TRAPPC9: variants seen among roughly 807,000 people sequenced by gnomAD.
TRAPPC9 encodes trafficking protein particle complex subunit 9.
TRAPPC9 carries 83 observed loss-of-function variants against 124.0 expected under a neutral mutation model. That is an observed-to-expected ratio of 0.67 (90% confidence interval 0.56 to 0.80). The LOEUF (loss-of-function observed/expected upper bound fraction) is 0.80. Among genes scored for constraint, TRAPPC9 ranks in the 30% least tolerant of loss-of-function variants. The pLI is 0.00. For missense variants in TRAPPC9, 1,302 were observed against 1,508.3 expected (o/e 0.86, Z 2.27); for synonymous variants, 638 against 617.5 (o/e 1.03, Z -0.49).
chr8:139,853,386 C>T (rs921795974), intron 21 of TRAPPC9, among the ~76,000 whole-genome samples: 10 of 152,180 alleles, frequency 6.6e-5, no homozygotes, highest in East Asian at 3.9e-4. Context: ...TGTATCCCCG[C>T]GCCCATGGTA....
rs535937276 is a variant in TRAPPC9, at chr8:139,990,883, G to A, written c.2700-2047C>T. Among the ~76,000 whole-genome samples the A allele has an allele frequency of 5.9e-5, 9 of 152,124 alleles. No homozygotes were observed. The East Asian group carries it at 1.4e-3, about 23-fold the overall frequency. Reference sequence around the variant, plus strand: ...ATTACAGGGGTGAGCCACGGCACCCGGCCACATGTCACCATTTATATCATG... The same window carrying A: ...ATTACAGGGGTGAGCCACGGCACCCAGCCACATGTCACCATTTATATCATG... On this transcript the variant is annotated intron_variant, in intron 18 of 22. Coordinates refer to ENST00000438773, the MANE Select transcript of TRAPPC9 (RefSeq NM_001160372.4).
chr8:140,246,556 C>G (rs2063991866), intron 16 of TRAPPC9, among the ~76,000 whole-genome samples: 1 of 152,158 alleles, frequency 6.6e-6, no homozygotes, highest in South Asian at 2.1e-4. Context: ...AACCCTAGTT[C>G]AAAACTAGAT....
chr8:139,898,260 A>G (rs915046462), intron 20 of TRAPPC9, among the ~76,000 whole-genome samples: 1 of 152,224 alleles, frequency 6.6e-6, no homozygotes, highest in Non-Finnish European at 1.5e-5. Context: ...CTTCCACGGT[A>G]GCGCCAGCCA....
chr8:140,051,576 C>CTT (rs1197128988), intron 17 of TRAPPC9, among the ~76,000 whole-genome samples: 3,632 of 87,930 alleles, frequency 0.041, 301 homozygotes, highest in African/African-American at 0.15. Context: ...ATTGTTCATT[C>CTT]TTTTTTTTTT....
Position 140,356,755 on chromosome 8 carries a change from G to A in TRAPPC9, c.1495+3295C>T, listed in dbSNP as rs73372876. 5.7e-3 allele frequency among the ~76,000 whole-genome samples: 872 copies of A among 151,974 alleles called. 11 individuals carry two copies. Among genetic ancestry groups the A allele is most frequent in the African/African-American group, 0.018 (757 of 41,416 alleles). On this transcript the variant is annotated intron_variant, in intron 9 of 22. Transcript: ENST00000438773. ...CTCCCAAGTAGCTGGGATTACAGGC[G>A]TGCACCACCTCGCCCGGTTAATCTT...
intron 1 of TRAPPC9, among the ~76,000 whole-genome samples, chr8:140,455,369 G>A (rs1255731048): frequency 6.6e-6 from 1 of 151,958 alleles, no homozygotes; most frequent in Admixed American, 6.6e-5. Context: ...ATGATCTCAG[G>A]TGATCCACCC....
At chr8:139,843,300 G>C (rs1282430631) in intron 21 of TRAPPC9, among the ~76,000 whole-genome samples, 72 of 152,342 alleles carry the variant, frequency 4.7e-4, no homozygotes. Flanking sequence ...GAGGGCGGCA[G>C]GGCTGAGACT....
chr8:139,809,600 G>A (rs1824297957), intron 21 of TRAPPC9, among the ~76,000 whole-genome samples: 1 of 152,150 alleles, frequency 6.6e-6, no homozygotes, highest in African/African-American at 2.4e-5. Context: ...TTTGCCTGCT[G>A]GCATCTGGGG....
At chr8:139,850,340 A>G (rs538796475) in intron 21 of TRAPPC9, among the ~76,000 whole-genome samples, 32 of 152,330 alleles carry the variant, frequency 2.1e-4, no homozygotes, top group Admixed American at 5.2e-4. Flanking sequence ...AGCCAACACT[A>G]GAACCCAGGG....
At chr8:139,823,648 A>G (rs1248269345) in intron 21 of TRAPPC9, among the ~76,000 whole-genome samples, 1 of 152,148 alleles carries the variant, frequency 6.6e-6, no homozygotes, top group Non-Finnish European at 1.5e-5. Context: ...CCAGGTGGAA[A>G]CAGAGACCTA....
At chr8:139,758,712 G>C (rs1378642617) in intron 21 of TRAPPC9, among the ~76,000 whole-genome samples, 1 of 152,218 alleles carries the variant, frequency 6.6e-6, no homozygotes, top group African/African-American at 2.4e-5. Context: ...AAGGCGGTTG[G>C]GGCAGGCTGA....
At chr8:140,183,159 T>C (rs1357872659) in intron 17 of TRAPPC9, among the ~76,000 whole-genome samples, 1 of 152,202 alleles carries the variant, frequency 6.6e-6, no homozygotes, top group African/African-American at 2.4e-5. Flanking sequence ...AAACATTTGC[T>C]GAGTCTACTA....
intron 19 of TRAPPC9, among the ~76,000 whole-genome samples, chr8:139,928,568 C>T (rs1186382613): frequency 6.6e-6 from 1 of 151,824 alleles, no homozygotes; most frequent in East Asian, 1.9e-4. Context: ...GTTCCTTGAC[C>T]TCAAGGCCTT....
At chr8:140,193,224 T>C (rs1404917265) in intron 17 of TRAPPC9, among the ~76,000 whole-genome samples, 2 of 152,238 alleles carry the variant, frequency 1.3e-5, no homozygotes, top group Admixed American at 6.5e-5. Flanking sequence ...CAATCTAAAA[T>C]GTGAAAATGT....
intron 19 of TRAPPC9, among the ~76,000 whole-genome samples, chr8:139,980,804 G>C (rs1836842108): frequency 6.6e-6 from 1 of 152,220 alleles, no homozygotes; most frequent in African/African-American, 2.4e-5. Flanking sequence ...TCTGCAGACA[G>C]GGTGGGCGTG....
At chr8:139,863,000 G>C (rs1294507001) in intron 21 of TRAPPC9, among the ~76,000 whole-genome samples, 2 of 152,250 alleles carry the variant, frequency 1.3e-5, no homozygotes, top group Admixed American at 1.3e-4. Flanking sequence ...CTGCCAGGAA[G>C]CTCCAGCACC....
rs189128990 is a variant in TRAPPC9 at position 140,191,302 on chromosome 8, G to T, written c.2556+30157C>A. Among the ~76,000 whole-genome samples the T allele has an allele frequency of 2.2e-4, 33 of 152,310 alleles. No individual in the cohort carries two copies. The East Asian group carries it at 6.4e-3, about 29-fold the overall frequency. ...GAAACTCAGTAATTTGCCAGTGGGG[G>T]ATACTAATAGTGGTGAAGTCAGGTC... On this transcript the variant is annotated intron_variant, in intron 17 of 22. Transcript: ENST00000438773.
At chr8:140,132,456 T>C (rs1454560963) in intron 17 of TRAPPC9, among the ~76,000 whole-genome samples, 2 of 152,170 alleles carry the variant, frequency 1.3e-5, no homozygotes, top group Non-Finnish European at 2.9e-5. Context: ...TAGATTGCCA[T>C]CATCTTCCCT....
At chr8:139,908,016 G>T (rs560827015) in intron 20 of TRAPPC9, among the ~76,000 whole-genome samples, 1 of 152,294 alleles carries the variant, frequency 6.6e-6, no homozygotes, top group East Asian at 1.9e-4. Context: ...AGGGTGACGT[G>T]GCCCAGGGCA....
Sources: gnomAD v4.1 joint callset for allele counts (sites outside exome capture counted in the v4.1 genomes callset) on GRCh38, gnomAD v4.1.1 for gene constraint, MANE v1.5 for transcripts, NCBI Gene and HGNC (gene_info 2026-07-23, HGNC 2026-07-21) for gene names.